JCAD: variants seen among roughly 807,000 people sequenced by gnomAD.
JCAD encodes junctional cadherin 5-associated protein.
In JCAD, 40 loss-of-function variants were observed where a neutral mutation model predicts 98.0. The ratio of observed to expected loss-of-function variants is 0.41; its 90% CI spans 0.32 to 0.53. The LOEUF is 0.53. Among genes scored for constraint, JCAD ranks in the 20% least tolerant of loss-of-function variants. The pLI, the probability that JCAD is intolerant of heterozygous loss-of-function variation, is 0.31. For missense variants in JCAD, 1,705 were observed against 1,738.1 expected (o/e 0.98, Z 0.34); for synonymous variants, 691 against 682.3 (o/e 1.01, Z -0.20).
chr10:30,106,275 T>A (rs1241286181), intron 1 of JCAD, among the ~76,000 whole-genome samples: 2 of 151,852 alleles, frequency 1.3e-5, no homozygotes, highest in African/African-American at 4.8e-5. Context: ...ATAAAAAATA[T>A]AAAAAATTAA....
intron 1 of JCAD, among the ~76,000 whole-genome samples, chr10:30,107,887 A>T (rs1838614699): frequency 6.6e-6 from 1 of 152,126 alleles, no homozygotes; most frequent in Admixed American, 6.5e-5. Context: ...AAGAACAGCT[A>T]CCTTAAAACT....
chr10:30,022,132 C>T (rs1329248499), intron 3 of JCAD, among the ~76,000 whole-genome samples: 2 of 152,130 alleles, frequency 1.3e-5, no homozygotes, highest in Non-Finnish European at 2.9e-5. Flanking sequence ...GACCCGAACT[C>T]GTTTTGGGCT....
At chr10:30,057,804 T>C (rs182882319) in intron 1 of JCAD, among the ~76,000 whole-genome samples, 32 of 152,340 alleles carry the variant, frequency 2.1e-4, no homozygotes, top group African/African-American at 7.2e-4. Flanking sequence ...GTTAAGCTGG[T>C]GACTAAGAAT....
chr10:30,054,032 A>C (rs1837520547), intron 1 of JCAD, among the ~76,000 whole-genome samples: 3 of 152,178 alleles, frequency 2.0e-5, no homozygotes, highest in Admixed American at 6.5e-5. Context: ...ATTGCACCTC[A>C]CCCTGAGCGA....
At chr10:30,111,366 T>G (rs1436903759) in intron 1 of JCAD, among the ~76,000 whole-genome samples, 1 of 152,212 alleles carries the variant, frequency 6.6e-6, no homozygotes, top group Non-Finnish European at 1.5e-5. Flanking sequence ...CAAGCAATCC[T>G]GTCCCACCAT....
intron 2 of JCAD, among the ~76,000 whole-genome samples, chr10:30,031,771 T>TTTG (rs1837001940): frequency 7.6e-6 from 1 of 132,182 alleles, no homozygotes; most frequent in African/African-American, 2.9e-5. Context: ...TTTTTTTTTT[T>TTTG]TGAGACGGAG....
At chr10:30,020,051 G>A (rs768237712) in intron 3 of JCAD, among the ~76,000 whole-genome samples, 16 of 151,478 alleles carry the variant, frequency 1.1e-4, no homozygotes, top group East Asian at 1.9e-4. Context: ...TCTTTTGGCC[G>A]GGCGAGGTGG....
chr10:30,047,535 G>A lies in JCAD; in HGVS notation c.278C>T (p.Ala93Val), dbSNP rs374312445. The A allele has an allele frequency of 1.4e-5, 23 of 1,610,394 alleles. No individual in the cohort carries two copies. Among genetic ancestry groups the A allele is most frequent in the African/African-American group, 6.7e-5 (5 of 74,586 alleles). The change falls in exon 2 of 4, where the codon GCG becomes GTG. Residue 93 changes from alanine (A) to valine (V), a missense_variant. By Grantham distance (64) the Ala-to-Val change is moderately conservative. Transcript: ENST00000375377. ...QSTSASRTSE[A>V]GFCNQPPSAW... Reference sequence around the variant, plus strand: ...GTGGGTTCACAGTGAAACTTACCCCGCCTCCGAGGTTCTGGAAGCAGAAGT... The same window carrying A: ...GTGGGTTCACAGTGAAACTTACCCCACCTCCGAGGTTCTGGAAGCAGAAGT...
intron 1 of JCAD, among the ~76,000 whole-genome samples, chr10:30,051,284 G>GCACGCA (rs1554798253): frequency 1.4e-5 from 2 of 146,764 alleles, no homozygotes; most frequent in Middle Eastern, 3.3e-3. Flanking sequence ...ACACACGCAC[G>GCACGCA]CACACACACA....
intron 2 of JCAD, among the ~76,000 whole-genome samples, chr10:30,046,345 C>T (rs754601500): frequency 7.2e-5 from 11 of 152,178 alleles, no homozygotes; most frequent in Non-Finnish European, 1.2e-4. Context: ...CCTAGCTAAA[C>T]CGCCCTCTCT....
chr10:30,049,383 CTTCCTGTCACTGGGAGCT>C (rs1837422245), intron 1 of JCAD, among the ~76,000 whole-genome samples: 2 of 152,216 alleles, frequency 1.3e-5, no homozygotes, highest in African/African-American at 2.4e-5. Flanking sequence ...GCGGCATGTG[CTTCCTGTCACTGGGAGCT>C]CTTACTCGGG....
Position 30,098,651 on chromosome 10 carries a change from G to A in JCAD, n.128+16716C>T, listed in dbSNP as rs116385152. 1.7e-3 allele frequency among the ~76,000 whole-genome samples: 259 copies of A among 152,208 alleles called. 1 individual carries two copies. Among genetic ancestry groups the A allele is most frequent in the African/African-American group, 5.9e-3 (246 of 41,542 alleles). On this transcript the variant is annotated intron_variant and non_coding_transcript_variant, in intron 1 of 2. Transcript: ENST00000465712. The stretch of plus-strand genomic sequence containing the variant: ...ACTCCAGTTTATTTCTAAGATTTTC[G>A]ACATGACAAGTGTCCTCCAATCCCT...
At chr10:30,105,358 CTTT>C (rs201535105) in intron 1 of JCAD, among the ~76,000 whole-genome samples, 5 of 143,578 alleles carry the variant, frequency 3.5e-5, no homozygotes, top group Admixed American at 7.0e-5. Context: ...TTCTTTCTTT[CTTT>C]TTTTTTTTTT....
At chr10:30,092,673 G>A (rs1428324925) in intron 1 of JCAD, among the ~76,000 whole-genome samples, 1 of 152,132 alleles carries the variant, frequency 6.6e-6, no homozygotes, top group Non-Finnish European at 1.5e-5. Flanking sequence ...CAGCACGTTG[G>A]ATGCTTGGCA....
In JCAD at chr10:30,015,974, G is replaced by T. The variant is rs1318103952; in HGVS notation, c.*1909C>A. 6.6e-6 allele frequency: 1 copy of T among 152,134 alleles called. No homozygotes were observed. The highest frequency in any genetic ancestry group is 1.5e-5 in the Non-Finnish European group (1 of 68,034). The allele number at this position is 152,134 out of a possible 1,614,324, so 9.4% of individuals were successfully genotyped here. On this transcript the variant is annotated 3_prime_UTR_variant, in exon 4 of 4. Transcript: ENST00000375377. ...CCCACTCAACTTTTCCTGGGAAGAG[G>T]ATCTTTTTGTTTCCCGCACTTATTG... is the stretch of plus-strand genomic sequence containing the variant.
At chr10:30,032,396 G>A (rs1837021842) in intron 2 of JCAD, among the ~76,000 whole-genome samples, 2 of 152,174 alleles carry the variant, frequency 1.3e-5, no homozygotes, top group African/African-American at 4.8e-5. Context: ...TGCAACCAAA[G>A]GAAAGTATCT....
chr10:30,058,976 G>C (rs1168770061), intron 1 of JCAD, among the ~76,000 whole-genome samples: 1 of 152,134 alleles, frequency 6.6e-6, no homozygotes, highest in Non-Finnish European at 1.5e-5. Flanking sequence ...GGCCGGGGCA[G>C]CGTGGGAACT....
intron 2 of JCAD, among the ~76,000 whole-genome samples, chr10:30,066,395 C>G (rs1837784577): frequency 6.6e-6 from 1 of 152,192 alleles, no homozygotes; most frequent in Non-Finnish European, 1.5e-5. Context: ...TAATGGAAAA[C>G]AACTCTGTTA....
At chr10:30,031,869 C>A (rs1450651980) in intron 2 of JCAD, among the ~76,000 whole-genome samples, 1 of 150,734 alleles carries the variant, frequency 6.6e-6, no homozygotes, top group Non-Finnish European at 1.5e-5. Flanking sequence ...ATTCTCCTGC[C>A]TCAGCCTCCC....
Sources: allele counts gnomAD v4.1 joint callset (sites outside exome capture counted in the v4.1 genomes callset), GRCh38; gene constraint gnomAD v4.1.1; transcripts MANE v1.5; gene names NCBI Gene and HGNC (gene_info 2026-07-23, HGNC 2026-07-21).